Variants in PEBP4 observed in about 807,000 individuals in gnomAD.
PEBP4 encodes phosphatidylethanolamine-binding protein 4.
A neutral mutation model predicts 23.9 loss-of-function variants in PEBP4; 22 were observed. That is an observed-to-expected ratio of 0.92 (90% CI 0.66 to 1.31). The LOEUF (loss-of-function observed/expected upper bound fraction) is 1.31. Ranked by LOEUF, PEBP4 falls within the 40% of genes most tolerant of loss-of-function variation. The probability of loss-of-function intolerance (pLI) is 0.00; values close to 1 mark genes in which losing one functional copy is unlikely to be tolerated. For missense variants in PEBP4, 324 were observed against 281.7 expected, an observed-to-expected ratio of 1.15 and a Z score of -1.07; for synonymous variants, 112 against 99.3, an observed-to-expected ratio of 1.13 and a Z score of -0.76.
At chr8:22,857,317 G>A (rs1411593517) in intron 3 of PEBP4, among the ~76,000 whole-genome samples, 1 of 151,852 alleles carries the variant, frequency 6.6e-6, no homozygotes, top group Admixed American at 6.6e-5. Context: ...GCAGTTTACA[G>A]AGAAAGCATC....
rs549318921 is a variant in PEBP4, at chr8:22,852,561, G to T, written c.259-34826C>A. Among the ~76,000 whole-genome samples, 16 of 152,108 alleles carry T rather than the reference G, an allele frequency of 1.1e-4. No homozygotes were observed. In the South Asian group the frequency reaches 3.3e-3, roughly 32 times the overall value. On this transcript the variant is annotated intron_variant, in intron 3 of 6. Transcript: ENST00000256404. ...AACACACCACAAGAGCGTCCAACCA[G>T]AAAGAGCCTAGAAAAAATCTGTTTC...
intron 3 of PEBP4, among the ~76,000 whole-genome samples, chr8:22,826,960 G>T (rs1806983288): frequency 6.6e-6 from 1 of 152,224 alleles, no homozygotes; most frequent in Non-Finnish European, 1.5e-5. Context: ...GGAGACATCA[G>T]TCTCTAGTTC....
At chr8:22,847,810 C>A (rs1287943822) in intron 3 of PEBP4, among the ~76,000 whole-genome samples, 2 of 152,166 alleles carry the variant, frequency 1.3e-5, no homozygotes, top group Non-Finnish European at 2.9e-5. Context: ...CCCTGCTCAA[C>A]CCCAGCCCCC....
At position 22,855,025 on chromosome 8, in the gene PEBP4, CACACACACACACACACACAT is replaced by C. The variant is rs1249756688; in HGVS notation, c.259-37310_259-37291del. On this transcript the variant is annotated intron_variant, in intron 3 of 6. Coordinates refer to ENST00000256404, the MANE Select transcript of PEBP4 (RefSeq NM_144962.3). ...GCACACACACACACACACACACACA[CACACACACACACACACACAT>C]GCACCCCAGGAAAGAAAGGCGTTTT... is the stretch of plus-strand genomic sequence containing the variant. 6.9e-4 allele frequency among the ~76,000 whole-genome samples: 52 copies of C among 75,044 alleles called. 1 individual carries two copies. Among genetic ancestry groups the C allele is most frequent in the South Asian group, 3.1e-3 (6 of 1,948 alleles). The allele number at this position is 75,044 out of a possible 152,430, so 49.2% of individuals were successfully genotyped here.
At chr8:22,818,309 C>T (rs375491548) in intron 3 of PEBP4, among the ~76,000 whole-genome samples, 29 of 151,734 alleles carry the variant, frequency 1.9e-4, no homozygotes, top group African/African-American at 3.6e-4. Flanking sequence ...AGGTAAAAGA[C>T]GCAGATAATA....
intron 4 of PEBP4, among the ~76,000 whole-genome samples, chr8:22,780,731 C>T (rs1263520758): frequency 6.6e-6 from 1 of 152,172 alleles, no homozygotes; most frequent in East Asian, 1.9e-4. Flanking sequence ...GGACAGAGGG[C>T]ACTAAAGTGA....
At chr8:22,774,561 A>C (rs1805778372) in intron 4 of PEBP4, among the ~76,000 whole-genome samples, 1 of 152,202 alleles carries the variant, frequency 6.6e-6, no homozygotes, top group African/African-American at 2.4e-5. Flanking sequence ...GAGGCCCCGC[A>C]GGGAGGAGTC....
At chr8:22,746,181 A>G (rs1439698341) in intron 4 of PEBP4, among the ~76,000 whole-genome samples, 1 of 152,078 alleles carries the variant, frequency 6.6e-6, no homozygotes, top group African/African-American at 2.4e-5. Context: ...AAAGGACCAC[A>G]GGGTCCTCCC....
upstream of PEBP4, among the ~76,000 whole-genome samples, chr8:22,929,860 C>T (rs771886959): frequency 5.3e-5 from 8 of 152,196 alleles, 1 homozygote; most frequent in Admixed American, 2.0e-4. Context: ...AGGCACACCA[C>T]GGCTCTGGCT....
At chr8:22,931,128 G>T (rs1322450872), upstream of PEBP4, among the ~76,000 whole-genome samples, 1 of 152,060 alleles carries the variant, frequency 6.6e-6, no homozygotes, top group African/African-American at 2.4e-5. Context: ...ACAGACTCTT[G>T]TTATTTCTCT....
At chr8:22,806,189 C>T (rs1806491231) in intron 4 of PEBP4, among the ~76,000 whole-genome samples, 2 of 152,108 alleles carry the variant, frequency 1.3e-5, no homozygotes, top group South Asian at 4.1e-4. Flanking sequence ...AGATTAATAC[C>T]TATTAAATTT....
At chr8:22,919,520 C>A (rs577202699) in intron 3 of PEBP4, among the ~76,000 whole-genome samples, 61 of 152,324 alleles carry the variant, frequency 4.0e-4, no homozygotes, top group African/African-American at 1.4e-3. Context: ...CAGCAGCAGA[C>A]CCATTTCCCA....
At chr8:22,926,144 T>G (rs890084391) in intron 2 of PEBP4, among the ~76,000 whole-genome samples, 4 of 151,500 alleles carry the variant, frequency 2.6e-5, no homozygotes, top group African/African-American at 9.7e-5. Context: ...CCCGGCTAAT[T>G]TTTTTTTATT....
intron 1 of PEBP4, among the ~76,000 whole-genome samples, chr8:22,936,857 A>G (rs187798632): frequency 6.6e-6 from 1 of 152,342 alleles, no homozygotes; most frequent in East Asian, 1.9e-4. Flanking sequence ...AAAATACTAC[A>G]TGGTCATCTC....
At chr8:22,746,459 C>T (rs754626554) in intron 4 of PEBP4, among the ~76,000 whole-genome samples, 1 of 152,024 alleles carries the variant, frequency 6.6e-6, no homozygotes, top group Non-Finnish European at 1.5e-5. Context: ...AGTCTCCTCG[C>T]GTTTGGTCAG....
chr8:22,827,497 GT>G (rs1026391179), intron 3 of PEBP4, among the ~76,000 whole-genome samples: 6 of 150,642 alleles, frequency 4.0e-5, no homozygotes, highest in Admixed American at 1.3e-4. Flanking sequence ...CATAATACTT[GT>G]TTTTTTTTGT....
intron 3 of PEBP4, among the ~76,000 whole-genome samples, chr8:22,866,171 G>C (rs1394509998): frequency 6.6e-6 from 1 of 152,212 alleles, no homozygotes; most frequent in Non-Finnish European, 1.5e-5. Context: ...GTCTCCATTT[G>C]ACAAATGAAG....
intron 4 of PEBP4, among the ~76,000 whole-genome samples, chr8:22,808,778 G>A (rs549039446): frequency 6.6e-6 from 1 of 152,352 alleles, no homozygotes; most frequent in African/African-American, 2.4e-5. Context: ...TGTTGGCCTT[G>A]TCTTTCCAAC....
intron 6 of PEBP4, among the ~76,000 whole-genome samples, chr8:22,714,389 G>T (rs1197286476): frequency 6.6e-6 from 1 of 152,054 alleles, no homozygotes; most frequent in Non-Finnish European, 1.5e-5. Context: ...CCAGGAAAAG[G>T]CAGGAAGTAG....
Sources: allele counts gnomAD v4.1 joint callset (sites outside exome capture counted in the v4.1 genomes callset), GRCh38; gene constraint gnomAD v4.1.1; transcripts MANE v1.5; gene names NCBI Gene and HGNC (gene_info 2026-07-23, HGNC 2026-07-21).